The following ATP1B4 variants were observed in gnomAD, a reference collection of about 807,000 sequenced individuals.
The protein encoded by ATP1B4 is ATPase Na+/K+ transporting family member beta 4, also known as protein ATP1B4.
In ATP1B4, 32 loss-of-function variants were observed where a neutral mutation model predicts 29.6. The ratio of observed to expected loss-of-function variants is 1.08; its 90% CI spans 0.82 to 1.45. The LOEUF is 1.45. Ranked by LOEUF, ATP1B4 falls within the 40% of genes most tolerant of loss-of-function variation. ATP1B4 has a pLI of 0.00. For missense variants in ATP1B4, 323 were observed against 276.2 expected (o/e 1.17, Z -1.20); for synonymous variants, 127 against 102.1 (o/e 1.24, Z -1.47).
chrX:120,362,327 C>G (rs995002101), intron 1 of ATP1B4, 96 bp downstream of exon 1: 4 of 822,667 alleles, frequency 4.9e-6, no homozygotes, highest in Non-Finnish European at 7.2e-6. Flanking sequence ...ACGGCTGCCT[C>G]TCTTTGAGAC....
rs1272970140 is a variant in ATP1B4 at position 120,362,213 on chromosome X, C to T, written c.45C>T (p.Tyr15=). 1.7e-6 allele frequency: 2 copies of T among 1,211,178 alleles called. No homozygotes were observed. Among genetic ancestry groups the T allele is most frequent in the Admixed American group, 2.2e-5 (1 of 46,051 alleles). Residue 15 remains tyrosine, a synonymous_variant, in exon 1 of 8, where the codon TAC becomes TAT. Transcript: ENST00000218008. ...CCAGAAGGGCTCCATCCTTTCCTTA[C>T]AGTTATCGCTACAGACTCGTGAGTG... ...LRSRRAPSFP[Y]SYRYRLDDPD... is the part of the protein sequence containing the mutation.
intron 4 of ATP1B4, among the ~76,000 whole-genome samples, chrX:120,374,494 A>G (rs2058331003): frequency 1.1e-5 from 1 of 91,689 alleles, no homozygotes; most frequent in Admixed American, 1.4e-4. Context: ...ATACCAGGAT[A>G]TATAAGGATA....
rs201663353 is a variant in ATP1B4, at chrX:120,375,586, A to C, written c.759+18A>C. 50 of 1,178,598 alleles carry C rather than the reference A, an allele frequency of 4.2e-5. No individual in the cohort carries two copies. The highest frequency in any genetic ancestry group is 5.5e-5 in the Non-Finnish European group (48 of 873,042). On this transcript the variant is annotated intron_variant, in intron 5 of 7. Transcript: ENST00000218008. ...TGAACCGGGTATATTGGCTTTTCAT[A>C]TCTGGTGGTGATAAGCGAATGAACT...
In ATP1B4 at chrX:120,366,500, G is replaced by T. The variant is rs1569352963; in HGVS notation, c.64-25G>T. 3.4e-6 allele frequency: 4 copies of T among 1,185,058 alleles called. No homozygotes were observed. The East Asian group carries it at 9.0e-5, about 27-fold the overall frequency. On this transcript the variant is annotated intron_variant, in intron 1 of 7. Coordinates refer to ENST00000218008, the MANE Select transcript of ATP1B4 (RefSeq NM_001142447.3). ...CATTGTACATTTTTTTTCAAAAAGG[G>T]TATTGTGTTTTGTCACTGTTCCAGG...
In ATP1B4 at chrX:120,374,758, T is replaced by TA. The variant is rs2058339234; in HGVS notation, c.563-613dup. Among the ~76,000 whole-genome samples, 4 of 15,901 alleles carry TA rather than the reference T, an allele frequency of 2.5e-4. 1 individual carries two copies. Among genetic ancestry groups the TA allele is most frequent in the Non-Finnish European group, 3.9e-4 (4 of 10,332 alleles). 13.8% of individuals were successfully genotyped at this position (15,901 alleles called of 115,157 possible). On this transcript the variant is annotated intron_variant, in intron 4 of 7. Coordinates refer to ENST00000218008, the MANE Select transcript of ATP1B4 (RefSeq NM_001142447.3). Reference sequence around the variant, plus strand: ...TATTATATATAAGGGTGTATATATATATATTATATATATATAATATATATA... The same window carrying TA: ...TATTATATATAAGGGTGTATATATATAATATTATATATATATAATATATATA...
rs138577504 is a variant in ATP1B4 at position 120,379,482 on chromosome X, A to T, written c.922A>T (p.Thr308Ser). 2.2e-3 allele frequency: 2,706 copies of T among 1,203,931 alleles called. 13 individuals carry two copies. In the Middle Eastern group the frequency reaches 0.029, roughly 13 times the overall value. Residue 308 changes from threonine (T) to serine (S), a missense_variant, in exon 8 of 8, where the codon ACA becomes TCA. Transcript: ENST00000218008. ...TTTCTTCTACCTGCAGGTTAACTACACATCCCCCTTGGTGGCAATGCACTT... is the reference window on the plus strand; with the variant it reads ...TTTCTTCTACCTGCAGGTTAACTACTCATCCCCCTTGGTGGCAATGCACTT... The part of the protein sequence containing the change: ...YYGKLTHVNY[T>S]SPLVAMHFTD...
intron 1 of ATP1B4, among the ~76,000 whole-genome samples, 163 bp downstream of exon 1, chrX:120,362,394 C>A (rs2058266069): frequency 9.0e-6 from 1 of 110,805 alleles, no homozygotes; most frequent in Admixed American, 9.6e-5. Flanking sequence ...GCAGTGACTC[C>A]CAGCACCCCC....
chrX:120,379,415 G>A, intron 7 of ATP1B4, 58 bp from the exon 8 acceptor site: 1 of 1,070,416 alleles, frequency 9.3e-7, no homozygotes, highest in South Asian at 2.1e-5. Context: ...GTGATTATCT[G>A]ATCACTTCCC....
intron 4 of ATP1B4, among the ~76,000 whole-genome samples, chrX:120,372,267 T>C (rs1383187465): frequency 1.8e-5 from 2 of 111,911 alleles, no homozygotes; most frequent in East Asian, 5.6e-4. Context: ...ATGCCAGTCA[T>C]TCTGGCTTGG....
rs2058288580 is a variant in ATP1B4 at position 120,366,731 on chromosome X, T to C, written c.270T>C (p.Ser90=). ...NAWWQKLQIM[S]EYLWDPERRM... ...GGTGGCAGAAATTGCAGATCATGAGTGAATACCTGTGGGATCCAGAGAGAA... is the reference window on the plus strand; with the variant it reads ...GGTGGCAGAAATTGCAGATCATGAGCGAATACCTGTGGGATCCAGAGAGAA... Residue 90 remains serine, a synonymous_variant, in exon 2 of 8, where the codon AGT becomes AGC. Coordinates refer to ENST00000218008, the MANE Select transcript of ATP1B4 (RefSeq NM_001142447.3). 1 of 1,209,444 alleles carries C rather than the reference T, an allele frequency of 8.3e-7. No homozygotes were observed. The highest frequency in any genetic ancestry group is 1.8e-5 in the African/African-American group (1 of 56,941).
intron 1 of ATP1B4, among the ~76,000 whole-genome samples, chrX:120,363,599 GCA>G (rs893172787): frequency 8.9e-6 from 1 of 112,165 alleles, no homozygotes; most frequent in African/African-American, 3.2e-5. Context: ...TCTTTGCAGA[GCA>G]CAAATTTAAA....
intron 2 of ATP1B4, among the ~76,000 whole-genome samples, chrX:120,368,215 C>T (rs2058295392): frequency 8.9e-6 from 1 of 111,751 alleles, no homozygotes; most frequent in Non-Finnish European, 1.9e-5. Context: ...CATGATAGGC[C>T]GTAGCCAGAC....
chrX:120,366,435 A>G lies in ATP1B4; in HGVS notation c.64-90A>G, dbSNP rs761826825. On this transcript the variant is annotated intron_variant, in intron 1 of 7. Coordinates refer to ENST00000218008, the MANE Select transcript of ATP1B4 (RefSeq NM_001142447.3). ...GTGGAAATTTGAAGCATCTCCAAAT[A>G]TTGAGTCATTTCGATTTATTTTTGG... 10 of 1,018,165 alleles carry G rather than the reference A, an allele frequency of 9.8e-6. No individual in the cohort carries two copies. In the East Asian group the frequency reaches 1.8e-4, roughly 19 times the overall value. 83.9% of individuals were successfully genotyped at this position (1,018,165 alleles called of 1,213,427 possible).
chrX:120,362,285 G>T, intron 1 of ATP1B4, 54 bp downstream of exon 1: 1 of 1,071,142 alleles, frequency 9.3e-7, no homozygotes, highest in East Asian at 3.0e-5. Flanking sequence ...TATTTTAATG[G>T]GGTGGGTTGG....
At chrX:120,377,780 A>C (rs7876477) in intron 6 of ATP1B4, among the ~76,000 whole-genome samples, 1 of 111,232 alleles carries the variant, frequency 9.0e-6, no homozygotes, top group Non-Finnish European at 1.9e-5. Flanking sequence ...ATACTGGTCA[A>C]ATCCACACCC....
At chrX:120,375,205 G>A (rs2058346089) in intron 4 of ATP1B4, among the ~76,000 whole-genome samples, 167 bp from the exon 5 acceptor site, 1 of 84,013 alleles carries the variant, frequency 1.2e-5, no homozygotes, top group African/African-American at 3.7e-5. Context: ...GGCTGCCGAT[G>A]AAGGCTGTTG....
chrX:120,376,328 T>G, intron 5 of ATP1B4, 52 bp from the exon 6 acceptor site: 1 of 1,145,723 alleles, frequency 8.7e-7, no homozygotes, highest in Non-Finnish European at 1.2e-6. Flanking sequence ...AATTTTTTAC[T>G]GTCAAATATG....
rs780792720 is a variant in ATP1B4 at position 120,383,175 on chromosome X, TA to T, written c.*3548del. ...CACCTATTTTCTGGGGATCAACATG[TA>T]AAAAAACATTTATATTGTCTTGAGG... On this transcript the variant is annotated 3_prime_UTR_variant, in exon 8 of 8. Coordinates refer to ENST00000218008, the MANE Select transcript of ATP1B4 (RefSeq NM_001142447.3). 4.5e-5 allele frequency: 5 copies of T among 112,146 alleles called. No homozygotes were observed. Among genetic ancestry groups the T allele is most frequent in the Non-Finnish European group, 7.5e-5 (4 of 53,150 alleles). The allele number at this position is 112,146 out of a possible 1,213,427, so 9.2% of individuals were successfully genotyped here. A position where few individuals can be genotyped will look rare whatever the true frequency, so the allele number is the denominator to read the frequency against.
chrX:120,371,771 C>T (rs768036253), intron 4 of ATP1B4, among the ~76,000 whole-genome samples: 8 of 112,095 alleles, frequency 7.1e-5, no homozygotes, highest in South Asian at 3.7e-4. Context: ...CAAGTTCAAG[C>T]GATTATCCTG....
Sources: gnomAD v4.1 joint callset for allele counts (sites outside exome capture counted in the v4.1 genomes callset) on GRCh38, gnomAD v4.1.1 for gene constraint, MANE v1.5 for transcripts, NCBI Gene and HGNC (gene_info 2026-07-23, HGNC 2026-07-21) for gene names.